Variants in EGFR observed in about 807,000 individuals in gnomAD.
The protein encoded by EGFR is epidermal growth factor receptor.
A neutral mutation model predicts 143.0 loss-of-function variants in EGFR; 58 were observed. That is an observed-to-expected ratio of 0.41 (90% CI 0.33 to 0.50). The LOEUF (loss-of-function observed/expected upper bound fraction) is 0.50. EGFR is among the 20% of genes least tolerant of loss of function. The pLI is 0.39. For missense variants in EGFR, 1,307 were observed against 1,579.0 expected (o/e 0.83, Z 2.92); for synonymous variants, 613 against 594.4 (o/e 1.03, Z -0.45).
intron 12 of EGFR, among the ~76,000 whole-genome samples, chr7:55,160,758 G>A (rs1200545550): frequency 6.6e-6 from 1 of 152,240 alleles, no homozygotes; most frequent in African/African-American, 2.4e-5. Context: ...GCTGGTGAGA[G>A]CCTGGCCTGT....
At chr7:55,160,007 T>G (rs988014919) in intron 11 of EGFR, 132 bp from the exon 12 acceptor site, 2 of 934,920 alleles carry the variant, frequency 2.1e-6, no homozygotes, top group Non-Finnish European at 3.3e-6. Flanking sequence ...AGTGTGTGCC[T>G]CCCACAGCAT....
At chr7:55,089,952 T>C (rs1228183349) in intron 1 of EGFR, among the ~76,000 whole-genome samples, 3 of 81,236 alleles carry the variant, frequency 3.7e-5, no homozygotes, top group Non-Finnish European at 8.7e-5. Flanking sequence ...ATTTATTTAT[T>C]TATTTATTTA....
intron 3 of EGFR, among the ~76,000 whole-genome samples, chr7:55,144,954 C>G (rs1051309328): frequency 3.3e-5 from 5 of 152,336 alleles, no homozygotes; most frequent in Admixed American, 2.0e-4. Flanking sequence ...ACTGTAGGAA[C>G]AGGCCTCAGC....
chr7:55,198,643 T>G lies in EGFR; in HGVS notation c.2702-74T>G, dbSNP rs1403817110. ...AACATCAAGAAACAGTAACCAGTAA[T>G]GATGACTAAAGCAAGGGATTGTGAT... is the stretch of plus-strand genomic sequence containing the variant. On this transcript the variant is annotated intron_variant, in intron 22 of 27. Coordinates refer to ENST00000275493, the MANE Select transcript of EGFR (RefSeq NM_005228.5). The G allele has an allele frequency of 1.9e-6, 3 of 1,604,602 alleles. No individual in the cohort carries two copies. The East Asian group carries it at 6.7e-5, about 36-fold the overall frequency.
At chr7:55,065,253 T>G (rs944338933) in intron 1 of EGFR, among the ~76,000 whole-genome samples, 3 of 152,148 alleles carry the variant, frequency 2.0e-5, no homozygotes, top group Non-Finnish European at 4.4e-5. Context: ...CACTGAGATG[T>G]TCTAAGGAAA....
At chr7:55,077,005 G>C (rs2128887345) in intron 1 of EGFR, among the ~76,000 whole-genome samples, 1 of 151,826 alleles carries the variant, frequency 6.6e-6, no homozygotes, top group South Asian at 2.1e-4. Flanking sequence ...ATACACAAAG[G>C]CAGAATGTAA....
At chr7:55,153,968 T>G (rs1339061338) in intron 6 of EGFR, 43 bp from the exon 7 acceptor site, 5 of 1,613,982 alleles carry the variant, frequency 3.1e-6, no homozygotes, top group Non-Finnish European at 4.2e-6. Flanking sequence ...TGGCGCTGAG[T>G]GTACTTACCT....
At chr7:55,082,599 T>A (rs1161500352) in intron 1 of EGFR, among the ~76,000 whole-genome samples, 1 of 152,206 alleles carries the variant, frequency 6.6e-6, no homozygotes, top group African/African-American at 2.4e-5. Flanking sequence ...GGGTTTTCAT[T>A]TTTTTCATTT....
chr7:55,107,043 G>T (rs1446254218), intron 1 of EGFR, among the ~76,000 whole-genome samples: 5 of 151,978 alleles, frequency 3.3e-5, no homozygotes, highest in Admixed American at 3.3e-4. Flanking sequence ...AGTTTGTTTT[G>T]CCCATAAATA....
intron 1 of EGFR, among the ~76,000 whole-genome samples, chr7:55,084,324 C>T (rs1790634784): frequency 6.6e-6 from 1 of 152,196 alleles, no homozygotes; most frequent in African/African-American, 2.4e-5. Context: ...AGGCCACCCT[C>T]TCCATAAGCA....
chr7:55,138,700 A>G (rs548991040), intron 1 of EGFR, among the ~76,000 whole-genome samples: 5 of 152,342 alleles, frequency 3.3e-5, no homozygotes, highest in African/African-American at 9.6e-5. Flanking sequence ...TCAAAAGCTT[A>G]TATATTTTTT....
chr7:55,149,693 A>G (rs1794935552), intron 4 of EGFR, among the ~76,000 whole-genome samples: 1 of 152,260 alleles, frequency 6.6e-6, no homozygotes, highest in Non-Finnish European at 1.5e-5. Flanking sequence ...AGAAATAATG[A>G]AAGTGAAAAT....
chr7:55,173,191 G>A lies in EGFR; in HGVS notation c.2061+67G>A, dbSNP rs773297058. ...CGACAGGAACAAGGGCCAGCCCCGA[G>A]AACGGGCCATTAGCAGTTGTGTATG... On this transcript the variant is annotated intron_variant, in intron 17 of 27. Coordinates refer to ENST00000275493, the MANE Select transcript of EGFR (RefSeq NM_005228.5). 3.3e-4 allele frequency: 521 copies of A among 1,592,178 alleles called. 1 individual carries two copies. The highest frequency in any genetic ancestry group is 3.3e-4 in the Non-Finnish European group (393 of 1,173,270).
At chr7:55,126,378 T>A (rs1793526028) in intron 1 of EGFR, among the ~76,000 whole-genome samples, 2 of 152,200 alleles carry the variant, frequency 1.3e-5, no homozygotes, top group African/African-American at 4.8e-5. Context: ...CTTCTGGGTG[T>A]TGTGCAAATA....
At chr7:55,166,335 G>A in intron 15 of EGFR, 1 of 569,972 alleles carries the variant, frequency 1.8e-6, no homozygotes. Flanking sequence ...AAAATCCTCA[G>A]CTTTGTTTGG....
rs1031135482 is a variant in EGFR, at chr7:55,019,062, G to GC, written c.-210dup. On this transcript the variant is annotated 5_prime_UTR_variant, in exon 1 of 28. Coordinates refer to ENST00000275493, the MANE Select transcript of EGFR (RefSeq NM_005228.5). ...GCGCAGCGCGGCCGCAGCAGCCTCC[G>GC]CCCCCCGCACGGTGTGAGCGCCCGA... 1.5e-5 allele frequency: 4 copies of GC among 265,278 alleles called. No homozygotes were observed. Among genetic ancestry groups the GC allele is most frequent in the African/African-American group, 6.8e-5 (3 of 44,430 alleles). 16.4% of individuals were successfully genotyped at this position (265,278 alleles called of 1,614,324 possible).
intron 22 of EGFR, among the ~76,000 whole-genome samples, chr7:55,197,034 A>G (rs1036667156): frequency 6.6e-6 from 1 of 152,108 alleles, no homozygotes; most frequent in Non-Finnish European, 1.5e-5. Flanking sequence ...TGTATTTTCT[A>G]GTTCTGTGAA....
intron 23 of EGFR, among the ~76,000 whole-genome samples, chr7:55,199,283 C>T (rs902548717): frequency 2.6e-5 from 4 of 152,154 alleles, no homozygotes; most frequent in Non-Finnish European, 4.4e-5. Context: ...CCTTTTAAAC[C>T]AGTGGATTTA....
At chr7:55,152,214 G>C in intron 5 of EGFR, 1 of 467,864 alleles carries the variant, frequency 2.1e-6, no homozygotes. Context: ...GAATTGTGGG[G>C]GGGCTGTTAG....
Sources: gnomAD v4.1 joint callset for allele counts (sites outside exome capture counted in the v4.1 genomes callset) on GRCh38, gnomAD v4.1.1 for gene constraint, MANE v1.5 for transcripts, NCBI Gene and HGNC (gene_info 2026-07-23, HGNC 2026-07-21) for gene names.